PCDHB14: variants seen among roughly 807,000 people sequenced by gnomAD.
PCDHB14 encodes the protein protocadherin beta-14.
For synonymous variants in PCDHB14, 511 were observed against 441.5 expected (o/e 1.16, Z -1.97); for missense variants, 1,129 against 1,000.5 (o/e 1.13, Z -1.73).
rs200378467 is a variant in PCDHB14 at position 141,224,029 on chromosome 5, A to G, written c.524A>G (p.Asn175Ser). ...NSLQNYTISP[N>S]SHFYIKIPDS... ...CTCCAAAACTACACAATTAGCCCCAATTCTCACTTCTACATTAAAATTCCC... is the reference window on the plus strand; with the variant it reads ...CTCCAAAACTACACAATTAGCCCCAGTTCTCACTTCTACATTAAAATTCCC... Residue 175 changes from asparagine (N) to serine (S), a missense_variant, in exon 1 of 1, where the codon AAT becomes AGT. Asn to Ser is a conservative substitution (Grantham distance 46, BLOSUM62 1). Transcript: ENST00000239449. 1.5e-3 allele frequency: 2,367 copies of G among 1,613,724 alleles called. 39 individuals carry two copies. In the South Asian group the frequency reaches 0.022, roughly 15 times the overall value.
chr5:141,223,449 G>C lies in PCDHB14; in HGVS notation c.-57G>C, dbSNP rs895834473. On this transcript the variant is annotated 5_prime_UTR_variant, in exon 1 of 1. Transcript: ENST00000239449. ...GTTCCTGTTAAAAACCAGAGCTTCA[G>C]CTTCCAAAATTACGGCTGAGCTTCA... is the stretch of plus-strand genomic sequence containing the variant. The C allele has an allele frequency of 1.5e-6, 2 of 1,361,088 alleles. No individual in the cohort carries two copies. Among genetic ancestry groups the C allele is most frequent in the Non-Finnish European group, 2.0e-6 (2 of 982,498 alleles). The allele number at this position is 1,361,088 out of a possible 1,614,324, so 84.3% of individuals were successfully genotyped here.
rs782266501 is a variant in PCDHB14 at position 141,223,850 on chromosome 5, G to GT, written c.351dup (p.Arg118SerfsTer3). 1.3e-5 allele frequency: 21 copies of GT among 1,613,068 alleles called. No individual in the cohort carries two copies. The highest frequency in any genetic ancestry group is 1.6e-5 in the Non-Finnish European group (19 of 1,179,748). ...AGGTGGTTTTGGAAAACCCTTTACA[G>GT]TTTTTTCGGTTTGAGCTGTGTGTCA... On this transcript the variant is annotated frameshift_variant, in exon 1 of 1. Transcript: ENST00000239449. LOFTEE classifies it low-confidence loss of function (END_TRUNC).
chr5:141,224,749 C>G lies in PCDHB14; in HGVS notation c.1244C>G (p.Ala415Gly), dbSNP rs782094329. The change falls in exon 1 of 1, where the codon GCC (alanine) becomes GGC (glycine). Residue 415 changes from alanine (A) to glycine (G), a missense_variant. By Grantham distance (60) the Ala-to-Gly change is moderately conservative (BLOSUM62 0). Transcript: ENST00000239449. ...SEKALDRESQ[A>G]EYNITITVTD... ...AAAGCACTGGACAGAGAGAGCCAAG[C>G]CGAGTACAACATCACGATCACCGTC... 2 of 1,614,042 alleles carry G rather than the reference C, an allele frequency of 1.2e-6. No individual in the cohort carries two copies. The highest frequency in any genetic ancestry group is 1.7e-6 in the Non-Finnish European group (2 of 1,180,038).
In PCDHB14 at chr5:141,223,800, A is replaced by AC. The variant is rs781928653; in HGVS notation, c.297dup (p.Glu100ArgfsTer21). 1.9e-6 allele frequency: 3 copies of AC among 1,614,106 alleles called. No homozygotes were observed. The highest frequency in any genetic ancestry group is 1.7e-5 in the Admixed American group (1 of 60,016). ...AGACCGAGACGAGCTGTGTGGCTCC[A>AC]CCGAGCCCTGTGTGCTGCATTTTCA... On this transcript the variant is annotated frameshift_variant, in exon 1 of 1. Coordinates refer to ENST00000239449, the MANE Select transcript of PCDHB14 (RefSeq NM_018934.4). LOFTEE classifies it low-confidence loss of function (END_TRUNC).
chr5:141,225,894 A>G lies in PCDHB14; in HGVS notation c.2389A>G (p.Ile797Val), dbSNP rs782432823. The G allele has an allele frequency of 2.5e-6, 4 of 1,601,966 alleles. No individual in the cohort carries two copies. Among genetic ancestry groups the G allele is most frequent in the South Asian group, 2.2e-5 (2 of 89,414 alleles). ...CTTTCGAAATAGCTTTGGACTTAAC[A>G]TTCAATAAAACAATTTATTTTAAAT... ...ENFRNSFGLN[I>V]Q Residue 797 changes from isoleucine (I) to valine (V), a missense_variant, in exon 1 of 1, where the codon ATT becomes GTT. Ile to Val is a conservative substitution (Grantham distance 29). Transcript: ENST00000239449.
chr5:141,224,459 T>A lies in PCDHB14; in HGVS notation c.954T>A (p.Asn318Lys). 1 of 1,612,052 alleles carries A rather than the reference T, an allele frequency of 6.2e-7. No homozygotes were observed. The highest frequency in any genetic ancestry group is 8.5e-7 in the Non-Finnish European group (1 of 1,179,204). Residue 318 changes from asparagine (N) to lysine (K), a missense_variant, in exon 1 of 1, where the codon AAT (asparagine) becomes AAA (lysine). By Grantham distance (94) the Asn-to-Lys change is moderately conservative. Coordinates refer to ENST00000239449, the MANE Select transcript of PCDHB14 (RefSeq NM_018934.4). ...DFEVIQSYTI[N>K]IQATDGGGLS... ...AAGTAATACAGTCCTACACTATAAA[T>A]ATTCAGGCAACAGATGGTGGGGGTC...
At position 141,224,139 on chromosome 5, in the gene PCDHB14, C is replaced by G; in HGVS notation, c.634C>G (p.Leu212Val). 6.2e-7 allele frequency: 1 copy of G among 1,614,132 alleles called. No homozygotes were observed. Among genetic ancestry groups the G allele is most frequent in the Non-Finnish European group, 8.5e-7 (1 of 1,180,044 alleles). The change falls in exon 1 of 1, where the codon CTC (leucine) becomes GTC (valine). Residue 212 changes from leucine (L) to valine (V), a missense_variant. By Grantham distance (32) the Leu-to-Val change is conservative. Transcript: ENST00000239449. ...YEQEAELRLTLTAVDGGSPPK... is the reference protein window; with the variant it reads ...YEQEAELRLTVTAVDGGSPPK... ...ACAGGAAGCTGAACTCAGATTAACACTCACAGCAGTGGATGGTGGATCCCC... is the reference window on the plus strand; with the variant it reads ...ACAGGAAGCTGAACTCAGATTAACAGTCACAGCAGTGGATGGTGGATCCCC...
rs1311183865 is a variant in PCDHB14 at position 141,226,735 on chromosome 5, T to C, written c.*833T>C. On this transcript the variant is annotated 3_prime_UTR_variant, in exon 1 of 1. Transcript: ENST00000239449. ...GCACAGGCCACTACGGCCTGGCTAA[T>C]TCTTTTGTATTTTTTTTGTACAGAT... 6.6e-6 allele frequency: 1 copy of C among 152,162 alleles called. No individual in the cohort carries two copies. Among genetic ancestry groups the C allele is most frequent in the African/African-American group, 2.4e-5 (1 of 41,436 alleles). 9.4% of individuals were successfully genotyped at this position (152,162 alleles called of 1,614,324 possible). A position where few individuals can be genotyped will look rare whatever the true frequency, so the allele number is the denominator to read the frequency against.
In PCDHB14 at chr5:141,223,706, G is replaced by A. The variant is rs374945978; in HGVS notation, c.201G>A (p.Val67=). 52 of 1,614,144 alleles carry A rather than the reference G, an allele frequency of 3.2e-5. No individual in the cohort carries two copies. The African/African-American group carries it at 6.1e-4, about 19-fold the overall frequency. Residue 67 remains valine (V), a synonymous_variant, in exon 1 of 1, where the codon GTG becomes GTA. Transcript: ENST00000239449. ...EELSSREARV[V]SDDNKKYLHL... ...TGTCTTCACGTGAAGCCCGGGTAGT[G>A]TCTGATGATAATAAAAAGTATTTGC...
In PCDHB14 at chr5:141,225,715, T is replaced by C. The variant is rs1754844917; in HGVS notation, c.2210T>C (p.Val737Ala). ...GAGGGTCCCTTTCCAGGGCATCTGG[T>C]GGACGTGAGCGGCACCGGGACCCTG... ...VPEGPFPGHLVDVSGTGTLSQ... is the reference protein window; with the variant it reads ...VPEGPFPGHLADVSGTGTLSQ... The change falls in exon 1 of 1, where the codon GTG becomes GCG. Residue 737 changes from valine to alanine, a missense_variant. Physicochemically the swap from Val to Ala is moderately conservative, Grantham distance 64. Transcript: ENST00000239449. 1.1e-5 allele frequency: 17 copies of C among 1,614,108 alleles called. No individual in the cohort carries two copies. The highest frequency in any genetic ancestry group is 1.4e-5 in the Non-Finnish European group (17 of 1,180,024).
chr5:141,224,085 C>T lies in PCDHB14; in HGVS notation c.580C>T (p.Leu194=). 1 of 1,614,014 alleles carries T rather than the reference C, an allele frequency of 6.2e-7. No homozygotes were observed. Among genetic ancestry groups the T allele is most frequent in the Non-Finnish European group, 8.5e-7 (1 of 1,180,000 alleles). The change falls in exon 1 of 1, where the codon CTG becomes TTG. Residue 194 remains leucine, a synonymous_variant. Coordinates refer to ENST00000239449, the MANE Select transcript of PCDHB14 (RefSeq NM_018934.4). ...TAGTGACAGAAAGATATACCCAGAG[C>T]TGGTCCTAGATAGAGCTTTAGATTA... ...DSSDRKIYPE[L]VLDRALDYEQ...
chr5:141,223,956 A>T lies in PCDHB14; in HGVS notation c.451A>T (p.Thr151Ser). Residue 151 changes from threonine to serine, a missense_variant, in exon 1 of 1, where the codon ACC (threonine) becomes TCC (serine). Coordinates refer to ENST00000239449, the MANE Select transcript of PCDHB14 (RefSeq NM_018934.4). ...KISEGTTVGATFLMESAQDLD... is the reference protein window; with the variant it reads ...KISEGTTVGASFLMESAQDLD... ...ATCAGAAGGTACCACTGTTGGAGCT[A>T]CCTTTCTAATGGAGAGTGCTCAAGA... The T allele has an allele frequency of 6.2e-7, 1 of 1,614,022 alleles. No individual in the cohort carries two copies. Among genetic ancestry groups the T allele is most frequent in the Non-Finnish European group, 8.5e-7 (1 of 1,179,948 alleles).
Position 141,225,538 on chromosome 5 carries a change from C to A in PCDHB14, c.2033C>A (p.Pro678Gln), listed in dbSNP as rs555877067. Residue 678 changes from proline (P) to glutamine (Q), a missense_variant, in exon 1 of 1, where the codon CCG becomes CAG. Coordinates refer to ENST00000239449, the MANE Select transcript of PCDHB14 (RefSeq NM_018934.4). ...TACCTGCCGCTCCCTGAGGCGGCCC[C>A]GGCCCAGGCCCAGGCCGACTCCCTC... ...QPYLPLPEAA[P>Q]AQAQADSLTV... 1.9e-6 allele frequency: 3 copies of A among 1,610,008 alleles called. No individual in the cohort carries two copies. The highest frequency in any genetic ancestry group is 3.3e-5 in the Admixed American group (2 of 60,018).
rs144384238 is a variant in PCDHB14, at chr5:141,226,020, G to A, written c.*118G>A. ...AGTTGCATGCATGATTATAGCTCTT[G>A]TTTTTCTCACAGTTTCTTTAAAAAT... On this transcript the variant is annotated 3_prime_UTR_variant, in exon 1 of 1. Transcript: ENST00000239449. The A allele has an allele frequency of 4.5e-4, 403 of 888,406 alleles. 3 individuals carry two copies. The African/African-American group carries it at 5.4e-3, about 12-fold the overall frequency. The allele number at this position is 888,406 out of a possible 1,614,324, so 55.0% of individuals were successfully genotyped here.
chr5:141,224,194 T>A lies in PCDHB14; in HGVS notation c.689T>A (p.Ile230Asn). The A allele has an allele frequency of 1.2e-6, 2 of 1,614,056 alleles. No individual in the cohort carries two copies. The highest frequency in any genetic ancestry group is 1.7e-6 in the Non-Finnish European group (2 of 1,180,002). Residue 230 changes from isoleucine to asparagine, a missense_variant, in exon 1 of 1, where the codon ATC (isoleucine) becomes AAC (asparagine). Coordinates refer to ENST00000239449, the MANE Select transcript of PCDHB14 (RefSeq NM_018934.4). ...PPKSGTTLVL[I>N]KVLDINDNAP... Reference sequence around the variant, plus strand: ...AAGTCTGGGACAACTTTGGTTCTCATCAAGGTGTTGGACATCAATGATAAT... The same window carrying A: ...AAGTCTGGGACAACTTTGGTTCTCAACAAGGTGTTGGACATCAATGATAAT...
chr5:141,223,876 A>G lies in PCDHB14; in HGVS notation c.371A>G (p.Lys124Arg), dbSNP rs1754771778. Residue 124 changes from lysine to arginine, a missense_variant, in exon 1 of 1, where the codon AAA becomes AGA. Transcript: ENST00000239449. ...LQFFRFELCV[K>R]DINDHSPTFL... ...TTTTTTCGGTTTGAGCTGTGTGTCAAAGACATAAATGATCACTCCCCTACA... is the reference window on the plus strand; with the variant it reads ...TTTTTTCGGTTTGAGCTGTGTGTCAGAGACATAAATGATCACTCCCCTACA... 1.2e-6 allele frequency: 2 copies of G among 1,613,254 alleles called. No individual in the cohort carries two copies. The highest frequency in any genetic ancestry group is 1.7e-5 in the Admixed American group (1 of 59,840).
At position 141,225,009 on chromosome 5, in the gene PCDHB14, T is replaced by C. The variant is rs1554289306; in HGVS notation, c.1504T>C (p.Ser502Pro). The change falls in exon 1 of 1, where the codon TCC becomes CCC. Residue 502 changes from serine (S) to proline (P), a missense_variant. Physicochemically the swap from Ser to Pro is moderately conservative, Grantham distance 74. Transcript: ENST00000239449. ...CCAGGACCGGCACCTGCCCCTCGCC[T>C]CCTTGGTCTCCATCAACGCGGACAA... ...PPQDRHLPLA[S>P]LVSINADNGH... 2 of 1,612,592 alleles carry C rather than the reference T, an allele frequency of 1.2e-6. No homozygotes were observed. Among genetic ancestry groups the C allele is most frequent in the Non-Finnish European group, 1.7e-6 (2 of 1,180,026 alleles).
At position 141,223,698 on chromosome 5, in the gene PCDHB14, CG is replaced by C. The variant is rs1754766758; in HGVS notation, c.196del (p.Val66Ter). The stretch of plus-strand genomic sequence containing the variant: ...GGAGGAGCTGTCTTCACGTGAAGCC[CG>C]GGTAGTGTCTGATGATAATAAAAAG... ...GVEELSSREA[R>X]VVSDDNKKYL... On this transcript the variant is annotated frameshift_variant, in exon 1 of 1. Coordinates refer to ENST00000239449, the MANE Select transcript of PCDHB14 (RefSeq NM_018934.4). LOFTEE classifies it low-confidence loss of function (END_TRUNC). 6.2e-6 allele frequency: 10 copies of C among 1,613,744 alleles called. No homozygotes were observed. The highest frequency in any genetic ancestry group is 8.5e-6 in the Non-Finnish European group (10 of 1,179,996).
chr5:141,224,855 C>T lies in PCDHB14; in HGVS notation c.1350C>T (p.Thr450=). 1.2e-6 allele frequency: 2 copies of T among 1,613,734 alleles called. No homozygotes were observed. The highest frequency in any genetic ancestry group is 1.7e-6 in the Non-Finnish European group (2 of 1,180,014). The change falls in exon 1 of 1, where the codon ACC becomes ACT. Residue 450 remains threonine (T), a synonymous_variant. Transcript: ENST00000239449. ...LLSDVNDNAP[T]FTQTSYTLFV... ...CTGACGTCAATGACAACGCCCCCAC[C>T]TTCACCCAAACCTCCTACACCCTGT...
Sources: gnomAD v4.1 joint callset for allele counts on GRCh38, gnomAD v4.1.1 for gene constraint, MANE v1.5 for transcripts, NCBI Gene and HGNC (gene_info 2026-07-23, HGNC 2026-07-21) for gene names.